The following WNT10B variants were observed in gnomAD, a reference collection of about 807,000 sequenced individuals.
WNT10B encodes Wnt family member 10B, also known as protein Wnt-10b.
Under a neutral mutation model 32.7 loss-of-function variants are expected in WNT10B, and 26 were observed. That is an observed-to-expected ratio of 0.79 (90% CI 0.58 to 1.10). The LOEUF (loss-of-function observed/expected upper bound fraction) is 1.10, where lower values mean the gene tolerates loss of function less well. Among genes scored for constraint, WNT10B ranks in the 50% least tolerant of loss-of-function variants. The probability of loss-of-function intolerance (pLI) is 0.00; values close to 1 mark genes in which losing one functional copy is unlikely to be tolerated. For missense variants in WNT10B, 474 were observed against 532.5 expected (o/e 0.89, Z 1.08); for synonymous variants, 204 against 220.4 (o/e 0.93, Z 0.66).
chr12:48,967,858 C>G, intron 4 of WNT10B, 88 bp downstream of exon 4: 1 of 1,558,702 alleles, frequency 6.4e-7, no homozygotes, highest in South Asian at 1.2e-5. Context: ...TCACTCATCA[C>G]ACTTTATCCT....
intron 3 of WNT10B, chr12:48,969,257 T>C: frequency 2.5e-6 from 1 of 403,482 alleles, no homozygotes. Context: ...CCCCAGGATC[T>C]AGGGCTCCTG....
At chr12:48,969,274 C>G in intron 3 of WNT10B, 1 of 387,224 alleles carries the variant, frequency 2.6e-6, no homozygotes, top group South Asian at 2.0e-5. Context: ...CCTGGGCCAG[C>G]CTTCTGATCC....
rs1394158068 is a variant in WNT10B, at chr12:48,969,977, G to C, written c.337+112C>G. 2.3e-6 allele frequency: 3 copies of C among 1,285,464 alleles called. No homozygotes were observed. In the African/African-American group the frequency reaches 4.8e-5, roughly 20 times the overall value. 79.6% of individuals were successfully genotyped at this position (1,285,464 alleles called of 1,614,324 possible). On this transcript the variant is annotated intron_variant, in intron 3 of 4. Coordinates refer to ENST00000301061, the MANE Select transcript of WNT10B (RefSeq NM_003394.4). ...GCTCCGGGGGGGGCGGGGAATTCCA[G>C]GAGAGGCCCCTCCCGGAGCCGCGAA...
At position 48,970,328 on chromosome 12, in the gene WNT10B, C is replaced by A. The variant is rs1037328549; in HGVS notation, c.98G>T (p.Gly33Val). 7 of 1,614,004 alleles carry A rather than the reference C, an allele frequency of 4.3e-6. No individual in the cohort carries two copies. Among genetic ancestry groups the A allele is most frequent in the Non-Finnish European group, 5.9e-6 (7 of 1,179,946 alleles). The change falls in exon 3 of 5, where the codon GGC becomes GTC. Residue 33 changes from glycine (G) to valine (V), a missense_variant. Gly to Val is a moderately radical substitution (Grantham distance 109). Coordinates refer to ENST00000301061, the MANE Select transcript of WNT10B (RefSeq NM_003394.4). This position sits in a 1 kb window ranked among gnomAD's most constrained non-coding sequence, Gnocchi z 5.0. ...CSRALSNEIL[G>V]LKLPGEPPLT... ...CGGCGGCTCGCCAGGCAACTTCAGG[C>A]CCAGAATCTCATTGCTTAGAGCCCT...
chr12:48,966,639 ACAC>A, intron 4 of WNT10B, 86 bp from the exon 5 acceptor site: 1 of 1,488,302 alleles, frequency 6.7e-7, no homozygotes, highest in Non-Finnish European at 9.2e-7. Context: ...GGAACAGAGA[ACAC>A]AGGGAGGGAC....
chr12:48,969,758 A>C (rs1940811143), intron 3 of WNT10B, among the ~76,000 whole-genome samples: 4 of 145,830 alleles, frequency 2.7e-5, no homozygotes, highest in Admixed American at 6.8e-5. Context: ...GGTGGAGGGA[A>C]TAGGGGGGCG....
In WNT10B at chr12:48,966,441, A is replaced by G; in HGVS notation, c.824T>C (p.Leu275Ser). The G allele has an allele frequency of 1.2e-6, 2 of 1,614,010 alleles. No individual in the cohort carries two copies. Among genetic ancestry groups the G allele is most frequent in the Non-Finnish European group, 8.5e-7 (1 of 1,180,034 alleles). The part of the protein sequence containing the change: ...APEFRAVGAA[L>S]RERLGRAIFI... ...GATGGCCCGGCCCAGCCGCTCCCTC[A>G]ACGCCGCCCCCACTGCCCGGAACTC... Residue 275 changes from leucine (L) to serine (S), a missense_variant, in exon 5 of 5, where the codon TTG (leucine) becomes TCG (serine). Physicochemically the swap from Leu to Ser is moderately radical, Grantham distance 145. Coordinates refer to ENST00000301061, the MANE Select transcript of WNT10B (RefSeq NM_003394.4).
In WNT10B at chr12:48,970,592, C is replaced by T. The variant is rs560673611; in HGVS notation, c.-40-23G>A. ...GACCTGCGGGACGGGAGACTTGATG[C>T]GGGTTCAGGAATAGGGCGGCTCGCT... On this transcript the variant is annotated intron_variant, in intron 1 of 4. Transcript: ENST00000301061. This position sits in a 1 kb window ranked among gnomAD's most constrained non-coding sequence, Gnocchi z 5.0. 7.2e-6 allele frequency: 11 copies of T among 1,537,640 alleles called. No individual in the cohort carries two copies. In the East Asian group the frequency reaches 9.7e-5, roughly 14 times the overall value.
At position 48,966,669 on chromosome 12, in the gene WNT10B, A is replaced by G. The variant is rs1463301207; in HGVS notation, c.712-116T>C. The G allele has an allele frequency of 2.6e-6, 3 of 1,161,490 alleles. No individual in the cohort carries two copies. The East Asian group carries it at 7.5e-5, about 29-fold the overall frequency. The allele number at this position is 1,161,490 out of a possible 1,614,324, so 71.9% of individuals were successfully genotyped here. On this transcript the variant is annotated intron_variant, in intron 4 of 4. Coordinates refer to ENST00000301061, the MANE Select transcript of WNT10B (RefSeq NM_003394.4). The stretch of plus-strand genomic sequence containing the variant: ...GGGAGGGACAAATGGAGGCAAGAAT[A>G]ACATGGTATATCAGAACAGAAAGGA...
intron 3 of WNT10B, chr12:48,969,085 C>A (rs1363238441): frequency 6.4e-6 from 3 of 470,866 alleles, no homozygotes; most frequent in Non-Finnish European, 1.3e-5. Context: ...CCAAGCCTTT[C>A]CCAGACTTAA....
In WNT10B at chr12:48,970,619, G is replaced by T; in HGVS notation, c.-40-50C>A. On this transcript the variant is annotated intron_variant, in intron 1 of 4. Coordinates refer to ENST00000301061, the MANE Select transcript of WNT10B (RefSeq NM_003394.4). The surrounding 1 kb of genome is among the most constrained non-coding windows in gnomAD (Gnocchi z 5.0). ...GGTTCAGGAATAGGGCGGCTCGCTT[G>T]GGGAACCAAGTGACGCCCTTCTTCG... 1 of 1,445,880 alleles carries T rather than the reference G, an allele frequency of 6.9e-7. No individual in the cohort carries two copies. The highest frequency in any genetic ancestry group is 9.5e-7 in the Non-Finnish European group (1 of 1,055,380). The allele number at this position is 1,445,880 out of a possible 1,614,324, so 89.6% of individuals were successfully genotyped here. A position where few individuals can be genotyped will look rare whatever the true frequency, so the allele number is the denominator to read the frequency against.
chr12:48,969,091 C>T (rs1381773999), intron 3 of WNT10B: 5 of 470,900 alleles, frequency 1.1e-5, no homozygotes, highest in Admixed American at 9.4e-5. Flanking sequence ...CTTTCCCAGA[C>T]TTAAATAAAC....
chr12:48,969,883 G>C (rs1253798231), intron 3 of WNT10B, among the ~76,000 whole-genome samples: 2 of 151,882 alleles, frequency 1.3e-5, no homozygotes, highest in Non-Finnish European at 2.9e-5. Context: ...CAGCTGCCTC[G>C]CTGGCAGCAC....
chr12:48,966,448 C>T lies in WNT10B; in HGVS notation c.817G>A (p.Ala273Thr), dbSNP rs985606273. 1.1e-5 allele frequency: 18 copies of T among 1,613,922 alleles called. No individual in the cohort carries two copies. Among genetic ancestry groups the T allele is most frequent in the Non-Finnish European group, 1.4e-5 (17 of 1,180,040 alleles). ...RAAPEFRAVG[A>T]ALRERLGRAI... is the part of the protein sequence containing the mutation. Reference sequence around the variant, plus strand: ...CGGCCCAGCCGCTCCCTCAACGCCGCCCCCACTGCCCGGAACTCTGGGGCC... The same window carrying T: ...CGGCCCAGCCGCTCCCTCAACGCCGTCCCCACTGCCCGGAACTCTGGGGCC... The change falls in exon 5 of 5, where the codon GCG (alanine) becomes ACG (threonine). Residue 273 changes from alanine (A) to threonine (T), a missense_variant. Physicochemically the swap from Ala to Thr is moderately conservative, Grantham distance 58. Transcript: ENST00000301061.
chr12:48,967,165 CT>C (rs35075432), intron 4 of WNT10B, among the ~76,000 whole-genome samples: 85,192 of 104,282 alleles, frequency 0.82, 35,560 homozygotes, highest in East Asian at 0.99. Flanking sequence ...TAATTTTTGT[CT>C]TTTTTTTTTT....
rs1284718784 is a variant in WNT10B at position 48,970,077 on chromosome 12, A to G, written c.337+12T>C. The G allele has an allele frequency of 1.3e-6, 2 of 1,508,296 alleles. No individual in the cohort carries two copies. The highest frequency in any genetic ancestry group is 1.8e-6 in the Non-Finnish European group (2 of 1,129,512). 93.4% of individuals were successfully genotyped at this position (1,508,296 alleles called of 1,614,324 possible). On this transcript the variant is annotated intron_variant, in intron 3 of 4. Transcript: ENST00000301061. The surrounding 1 kb of genome is among the most constrained non-coding windows in gnomAD (Gnocchi z 5.0). ...CCTCCGCGGCAGCGCCGACCCGCCC[A>G]GCCAGGCTCACCGCGCTTGAGGATG... is the stretch of plus-strand genomic sequence containing the variant.
intron 4 of WNT10B, among the ~76,000 whole-genome samples, chr12:48,966,984 T>G (rs896313766): frequency 2.0e-5 from 3 of 152,068 alleles, no homozygotes; most frequent in Admixed American, 6.6e-5. Flanking sequence ...GCTCAGTCTG[T>G]TTTTTTGTTT....
rs749410484 is a variant in WNT10B at position 48,966,573 on chromosome 12, A to C, written c.712-20T>G. On this transcript the variant is annotated intron_variant, in intron 4 of 4. Coordinates refer to ENST00000301061, the MANE Select transcript of WNT10B (RefSeq NM_003394.4). Reference sequence around the variant, plus strand: ...TACCACCTAGAGCATCAGGGGGAAAAGAGGTGAAGCAGAGGGCAGCAAATG... The same window carrying C: ...TACCACCTAGAGCATCAGGGGGAAACGAGGTGAAGCAGAGGGCAGCAAATG... 3.0e-5 allele frequency: 49 copies of C among 1,611,194 alleles called. No individual in the cohort carries two copies. Among genetic ancestry groups the C allele is most frequent in the Non-Finnish European group, 2.0e-5 (24 of 1,179,872 alleles).
intron 3 of WNT10B, chr12:48,969,249 C>A: frequency 2.4e-6 from 1 of 417,734 alleles, no homozygotes; most frequent in Non-Finnish European, 4.9e-6. Context: ...CTCTGCTACC[C>A]CAGGATCTAG....
Sources: allele counts gnomAD v4.1 joint callset (sites outside exome capture counted in the v4.1 genomes callset), GRCh38; gene constraint gnomAD v4.1.1; non-coding constraint Gnocchi (gnomAD v3.1); transcripts MANE v1.5; gene names NCBI Gene and HGNC (gene_info 2026-07-23, HGNC 2026-07-21).